DOCK9: variants seen among roughly 807,000 people sequenced by gnomAD.
DOCK9 encodes the protein dedicator of cytokinesis 9.
Under a neutral mutation model 263.3 loss-of-function variants are expected in DOCK9, and 89 were observed. The ratio of observed to expected loss-of-function variants is 0.34; its 90% CI spans 0.28 to 0.40. The LOEUF (loss-of-function observed/expected upper bound fraction) is 0.40, where lower values mean the gene tolerates loss of function less well. Ranked by LOEUF, DOCK9 falls within the 10% of genes least tolerant of loss-of-function variation. DOCK9 has a pLI of 1.00. For synonymous variants in DOCK9, 976 were observed against 973.1 expected, an observed-to-expected ratio of 1.00 and a Z score of -0.06; for missense variants, 2,140 against 2,603.4, an observed-to-expected ratio of 0.82 and a Z score of 3.87.
chr13:98,983,260 A>G lies in DOCK9; in HGVS notation c.130-27709T>C, dbSNP rs187792938. 4.6e-4 allele frequency among the ~76,000 whole-genome samples: 70 copies of G among 152,336 alleles called. No homozygotes were observed. The East Asian group carries it at 6.2e-3, about 13-fold the overall frequency. ...AGTAGAAATTAAGAAAAAATGCAAA[A>G]GAAAACAAATGACTAAAGATTTTCC... On this transcript the variant is annotated intron_variant, in intron 1 of 32. Transcript: ENST00000427887.
chr13:98,897,490 C>T lies in DOCK9; in HGVS notation c.1707G>A (p.Arg569=), dbSNP rs2047616000. ...DDMLKLLADF[R]KPEKMAKLPV... ...GGAAATAAGACCTTGAAACTCACTTCCGAAAGTCTGCAAGTAACTTGAGCA... is the reference window on the plus strand; with the variant it reads ...GGAAATAAGACCTTGAAACTCACTTTCGAAAGTCTGCAAGTAACTTGAGCA... Residue 569 remains arginine, a splice_region_variant and synonymous_variant, in exon 15 of 53, where the codon CGG becomes CGA. Transcript: ENST00000682017. The T allele has an allele frequency of 1.2e-6, 2 of 1,613,584 alleles. No homozygotes were observed. The highest frequency in any genetic ancestry group is 4.5e-5 in the East Asian group (2 of 44,874).
chr13:99,070,891 T>A (rs1249446733), intron 1 of DOCK9, among the ~76,000 whole-genome samples: 1 of 152,240 alleles, frequency 6.6e-6, no homozygotes, highest in East Asian at 1.9e-4. Context: ...AGAGAATGGC[T>A]TACTTTAGAA....
At chr13:99,043,729 T>C (rs1389807263) in intron 1 of DOCK9, among the ~76,000 whole-genome samples, 2 of 152,158 alleles carry the variant, frequency 1.3e-5, no homozygotes, top group Admixed American at 1.3e-4. Flanking sequence ...TTGCTAATAA[T>C]GAAGGAGAAC....
intron 3 of DOCK9, among the ~76,000 whole-genome samples, chr13:98,927,626 TTTA>T (rs2053198435): frequency 2.1e-5 from 1 of 47,448 alleles, no homozygotes; most frequent in Admixed American, 2.0e-4. Context: ...TATTTATTTA[TTTA>T]TTTTTTTTTA....
At chr13:98,984,245 A>G (rs1046955610) in intron 1 of DOCK9, among the ~76,000 whole-genome samples, 4 of 152,200 alleles carry the variant, frequency 2.6e-5, no homozygotes, top group African/African-American at 9.7e-5. Flanking sequence ...TTCACATTCT[A>G]TTTAAGGAGG....
chr13:98,911,835 T>C (rs1595233347), intron 9 of DOCK9, among the ~76,000 whole-genome samples: 4 of 151,874 alleles, frequency 2.6e-5, no homozygotes, highest in Admixed American at 2.6e-4. Flanking sequence ...GCAGTGTACT[T>C]TCATATTCTC....
At chr13:98,956,829 A>G (rs767176720) in intron 1 of DOCK9, among the ~76,000 whole-genome samples, 41 of 152,234 alleles carry the variant, frequency 2.7e-4, no homozygotes, top group Non-Finnish European at 7.3e-5. Flanking sequence ...ATCATCTGAT[A>G]TATACAATCT....
intron 1 of DOCK9, among the ~76,000 whole-genome samples, chr13:98,987,193 T>C (rs1325186873): frequency 2.0e-5 from 3 of 152,206 alleles, no homozygotes; most frequent in African/African-American, 7.2e-5. Context: ...AAGTGTCAGG[T>C]GATAAATATT....
intron 1 of DOCK9, among the ~76,000 whole-genome samples, chr13:99,062,847 T>C (rs35848452): frequency 0.056 from 8,483 of 152,268 alleles, 257 homozygotes; most frequent in Middle Eastern, 0.12. Context: ...ACCGCGCCAG[T>C]TCAGTGGTTT....
intron 7 of DOCK9, among the ~76,000 whole-genome samples, chr13:98,920,027 A>AGATGGATGGATG (rs577903151): frequency 6.6e-6 from 1 of 152,062 alleles, no homozygotes; most frequent in Admixed American, 6.5e-5. Flanking sequence ...AGGGGTGGAC[A>AGATGGATGGATG]GATGGATGGA....
At chr13:99,033,327 C>T (rs1230344822) in intron 1 of DOCK9, among the ~76,000 whole-genome samples, 1 of 152,154 alleles carries the variant, frequency 6.6e-6, no homozygotes, top group Non-Finnish European at 1.5e-5. Flanking sequence ...AAGGATCAAC[C>T]AGGACCAATA....
intron 1 of DOCK9, among the ~76,000 whole-genome samples, chr13:99,026,214 T>G (rs911973727): frequency 2.0e-5 from 3 of 152,188 alleles, no homozygotes; most frequent in Non-Finnish European, 2.9e-5. Flanking sequence ...TGGTGATGGA[T>G]GCACAACTCT....
chr13:99,086,292 C>G, exon 1 of DOCK9: 1 of 1,494,586 alleles, frequency 6.7e-7, no homozygotes, highest in Non-Finnish European at 8.9e-7. Context: ...CCGGCTTACT[C>G]AGCGCCCGGG....
At chr13:98,949,928 C>T in intron 2 of DOCK9, 2 of 476,912 alleles carry the variant, frequency 4.2e-6, no homozygotes, top group Admixed American at 2.3e-5. Context: ...CCCCCAGGTG[C>T]TCCTCAATTG....
intron 1 of DOCK9, among the ~76,000 whole-genome samples, chr13:98,996,864 C>T (rs17785251): frequency 0.013 from 2,013 of 152,296 alleles, 24 homozygotes; most frequent in South Asian, 0.047. Flanking sequence ...AAGTAAGTTG[C>T]TCTGCCAATG....
rs1215073380 is a variant in DOCK9 at position 98,831,940 on chromosome 13, CT to C, written c.4315-155del. The stretch of plus-strand genomic sequence containing the variant: ...GAATCCTCTAGGAAAGTACAGAATT[CT>C]TTTGTAGAACAAGCAAATCTATCAA... On this transcript the variant is annotated intron_variant, in intron 39 of 52. Coordinates refer to ENST00000682017, the MANE Select transcript of DOCK9 (RefSeq NM_001366683.2). 3.4e-6 allele frequency: 3 copies of C among 893,162 alleles called. No homozygotes were observed. The African/African-American group carries it at 5.0e-5, about 15-fold the overall frequency. 55.3% of individuals were successfully genotyped at this position (893,162 alleles called of 1,614,324 possible).
At chr13:98,961,390 G>T in intron 1 of DOCK9, among the ~76,000 whole-genome samples, 1 of 152,076 alleles carries the variant, frequency 6.6e-6, no homozygotes, top group African/African-American at 2.4e-5. Context: ...GGGATAATGT[G>T]CCCCTCCCAC....
chr13:98,886,950 G>T (rs1267953095), intron 18 of DOCK9, among the ~76,000 whole-genome samples: 1 of 151,630 alleles, frequency 6.6e-6, no homozygotes, highest in African/African-American at 2.4e-5. Context: ...TCAAGAAAAC[G>T]CTCAAGCATT....
At chr13:99,061,849 A>G (rs188893273) in intron 1 of DOCK9, among the ~76,000 whole-genome samples, 62 of 151,476 alleles carry the variant, frequency 4.1e-4, no homozygotes, top group African/African-American at 1.5e-3. Context: ...TAAGAGAGGA[A>G]AAAGCTTTTT....
Sources: gnomAD v4.1 joint callset for allele counts (sites outside exome capture counted in the v4.1 genomes callset) on GRCh38, gnomAD v4.1.1 for gene constraint, MANE v1.5 for transcripts, NCBI Gene and HGNC (gene_info 2026-07-23, HGNC 2026-07-21) for gene names.